EPB41L3: variants seen among roughly 807,000 people sequenced by gnomAD.
EPB41L3 encodes the protein band 4.1-like protein 3.
In EPB41L3, 57 loss-of-function variants were observed where a neutral mutation model predicts 127.1. That is an observed-to-expected ratio of 0.45 (90% CI 0.36 to 0.56). The LOEUF (loss-of-function observed/expected upper bound fraction) is 0.56, where lower values mean the gene tolerates loss of function less well. EPB41L3 is among the 20% of genes least tolerant of loss of function. The probability of loss-of-function intolerance (pLI) is 0.00; values close to 1 mark genes in which losing one functional copy is unlikely to be tolerated. For missense variants in EPB41L3, 1,273 were observed against 1,372.2 expected (o/e 0.93, Z 1.14); for synonymous variants, 572 against 549.5 (o/e 1.04, Z -0.57).
upstream of EPB41L3, among the ~76,000 whole-genome samples, chr18:5,546,738 A>G (rs2093887331): frequency 6.6e-6 from 1 of 152,128 alleles, no homozygotes; most frequent in Non-Finnish European, 1.5e-5. Flanking sequence ...CGTCAAATTC[A>G]TGAGGGGTGC....
At chr18:5,432,622 C>T (rs1398026079) in intron 8 of EPB41L3, among the ~76,000 whole-genome samples, 1 of 152,150 alleles carries the variant, frequency 6.6e-6, no homozygotes, top group Non-Finnish European at 1.5e-5. Context: ...TTTAAAAAGA[C>T]TAGTAGTCCT....
At position 5,395,599 on chromosome 18, in the gene EPB41L3, C is replaced by T; in HGVS notation, c.3072+10G>A. 1 of 1,612,966 alleles carries T rather than the reference C, an allele frequency of 6.2e-7. No individual in the cohort carries two copies. The highest frequency in any genetic ancestry group is 8.5e-7 in the Non-Finnish European group (1 of 1,178,954). The stretch of plus-strand genomic sequence containing the variant: ...CAAGGAATCCTCTTCTCGGTTCTCA[C>T]TCCACTTACTTTGGTGATGTGCGTA... On this transcript the variant is annotated intron_variant, in intron 20 of 22. Coordinates refer to ENST00000341928, the MANE Select transcript of EPB41L3 (RefSeq NM_012307.5).
intron 3 of EPB41L3, chr18:5,570,102 GC>G (rs141588981): frequency 0.12 from 18,104 of 152,144 alleles, 1,426 homozygotes; most frequent in African/African-American, 0.23. Flanking sequence ...AGACAACTGT[GC>G]TTTGATTGGT....
In EPB41L3 at chr18:5,489,099, C is replaced by A; in HGVS notation, c.85G>T (p.Ala29Ser). 1.3e-6 allele frequency: 2 copies of A among 1,593,124 alleles called. No individual in the cohort carries two copies. The highest frequency in any genetic ancestry group is 1.7e-6 in the Non-Finnish European group (2 of 1,174,096). The change falls in exon 2 of 23, where the codon GCG becomes TCG. Residue 29 changes from alanine (A) to serine (S), a missense_variant. Around this residue, in one of 3 missense-constraint regions of EPB41L3, gnomAD observed 182 missense variants for 149.2 expected, o/e 1.22. Transcript: ENST00000341928. Reference protein sequence around the residue: ...PQEAAGAQGRAGAPVPEPPKE... With the variant: ...PQEAAGAQGRSGAPVPEPPKE... ...GGCGGCTCCGGCACGGGCGCCCCCG[C>A]GCGCCCCTGCGCCCCCGCCGCCTCC...
intron 3 of EPB41L3, among the ~76,000 whole-genome samples, chr18:5,593,546 C>T (rs2094506670): frequency 6.6e-6 from 1 of 152,116 alleles, no homozygotes; most frequent in Admixed American, 6.6e-5. Flanking sequence ...ACCATGGGAC[C>T]AGGGCGAAAT....
chr18:5,522,621 C>T (rs1040589847), intron 1 of EPB41L3, among the ~76,000 whole-genome samples: 1 of 152,048 alleles, frequency 6.6e-6, no homozygotes, highest in Non-Finnish European at 1.5e-5. Flanking sequence ...GTCTTCATGC[C>T]ATAAAATTTC....
chr18:5,577,903 G>T (rs2094352196), intron 3 of EPB41L3, among the ~76,000 whole-genome samples: 1 of 152,166 alleles, frequency 6.6e-6, no homozygotes, highest in South Asian at 2.1e-4. Flanking sequence ...TTTTGCCAAA[G>T]ACTGCATTGA....
chr18:5,629,914 C>G (rs905200345), upstream of EPB41L3, among the ~76,000 whole-genome samples: 2 of 152,126 alleles, frequency 1.3e-5, no homozygotes, highest in Non-Finnish European at 2.9e-5. Flanking sequence ...ACGGCCGGCG[C>G]GGAGGGGTGG....
intron 2 of EPB41L3, among the ~76,000 whole-genome samples, chr18:5,479,398 G>T (rs1459844693): frequency 6.6e-6 from 1 of 152,146 alleles, no homozygotes. Context: ...CATACTATCA[G>T]CCCTTACTTT....
intron 5 of EPB41L3, among the ~76,000 whole-genome samples, chr18:5,441,728 T>A (rs1466268318): frequency 6.6e-6 from 1 of 152,166 alleles, no homozygotes; most frequent in African/African-American, 2.4e-5. Flanking sequence ...CCTCCCAAAG[T>A]GCTGGGATTA....
intron 9 of EPB41L3, among the ~76,000 whole-genome samples, chr18:5,424,944 T>G (rs2077960537): frequency 6.6e-6 from 1 of 152,180 alleles, no homozygotes; most frequent in Non-Finnish European, 1.5e-5. Context: ...AGATCAGAGA[T>G]TGGGGGAACA....
chr18:5,532,095 A>T (rs1611793), intron 1 of EPB41L3, among the ~76,000 whole-genome samples: 32,667 of 152,056 alleles, frequency 0.21, 3,748 homozygotes, highest in African/African-American at 0.27. Flanking sequence ...TACAATCTAG[A>T]ATTGACACCA....
chr18:5,540,901 A>G (rs1598826451), intron 1 of EPB41L3, among the ~76,000 whole-genome samples: 3 of 152,008 alleles, frequency 2.0e-5, no homozygotes, highest in Middle Eastern at 3.4e-3. Flanking sequence ...TGGCTAACAC[A>G]GTGAAACCCC....
chr18:5,601,295 T>C (rs2143797810), intron 3 of EPB41L3, among the ~76,000 whole-genome samples: 1 of 152,172 alleles, frequency 6.6e-6, no homozygotes, highest in South Asian at 2.1e-4. Context: ...CAAACTTAGG[T>C]GATCAGTCAT....
Position 5,543,123 on chromosome 18 carries a change from C to T in EPB41L3, c.-12+790G>A, listed in dbSNP as rs2093786337. On this transcript the variant is annotated intron_variant, in intron 1 of 22. Transcript: ENST00000341928. This position sits in a 1 kb window ranked among gnomAD's most constrained non-coding sequence, Gnocchi z 5.2. ...CCGACCCAGGCGCCCCCGGCCCGCC[C>T]GTGCTCCCGCGCCCGGGTGCCAGAG... Among the ~76,000 whole-genome samples the T allele has an allele frequency of 6.6e-6, 1 of 151,406 alleles. No individual in the cohort carries two copies. The highest frequency in any genetic ancestry group is 1.5e-5 in the Non-Finnish European group (1 of 67,784).
intron 15 of EPB41L3, chr18:5,407,185 G>A (rs1974694): frequency 0.95 from 535,001 of 561,144 alleles, 255,951 homozygotes; most frequent in Non-Finnish European, 0.98. Context: ...CACAAACATG[G>A]ATACCAAAAG....
chr18:5,534,276 A>G (rs1017347782), intron 1 of EPB41L3, among the ~76,000 whole-genome samples: 1 of 152,236 alleles, frequency 6.6e-6, no homozygotes, highest in South Asian at 2.1e-4. Context: ...TATTTATATT[A>G]TATCTTCTTT....
At chr18:5,424,805 A>G (rs1168681549) in intron 9 of EPB41L3, among the ~76,000 whole-genome samples, 1 of 152,182 alleles carries the variant, frequency 6.6e-6, no homozygotes, top group Non-Finnish European at 1.5e-5. Context: ...TTTTCTCCTA[A>G]TACCTGGGCA....
At chr18:5,446,132 A>G (rs912772549) in intron 3 of EPB41L3, among the ~76,000 whole-genome samples, 16 of 152,176 alleles carry the variant, frequency 1.1e-4, no homozygotes, top group African/African-American at 3.9e-4. Context: ...AATCCATTAA[A>G]CAAATTTCAT....
Sources: gnomAD v4.1 joint callset for allele counts (sites outside exome capture counted in the v4.1 genomes callset) on GRCh38, gnomAD v4.1.1 for gene constraint, gnomAD v4.1.1 regional missense constraint, Gnocchi (gnomAD v3.1) non-coding constraint, MANE v1.5 for transcripts, NCBI Gene and HGNC (gene_info 2026-07-23, HGNC 2026-07-21) for gene names.